Variants in NFKBIZ observed in about 807,000 individuals in gnomAD.
NFKBIZ encodes NF-kappa-B inhibitor zeta.
A neutral mutation model predicts 76.8 loss-of-function variants in NFKBIZ; 19 were observed. The ratio of observed to expected loss-of-function variants is 0.25; its 90% CI spans 0.17 to 0.36. The LOEUF (loss-of-function observed/expected upper bound fraction) is 0.36, where lower values mean the gene tolerates loss of function less well. Among genes scored for constraint, NFKBIZ ranks in the 10% least tolerant of loss-of-function variants. The pLI is 1.00. For missense variants in NFKBIZ, 829 were observed against 910.9 expected (o/e 0.91, Z 1.16); for synonymous variants, 368 against 354.8 (o/e 1.04, Z -0.42).
Position 101,852,897 on chromosome 3 carries a change from ACAG to A in NFKBIZ, c.473_475del (p.Thr158_Val159delinsIle), listed in dbSNP as rs1942990079. 6.2e-7 allele frequency: 1 copy of A among 1,614,044 alleles called. No individual in the cohort carries two copies. The highest frequency in any genetic ancestry group is 8.5e-7 in the Non-Finnish European group (1 of 1,179,902). ...TCCTTTGGGTACAGAATTGAAGAAC[ACAG>A]TATCATACAGTGGGAAAAGGAAAGG... On this transcript the variant is annotated inframe_deletion, in exon 4 of 12. Coordinates refer to ENST00000326172, the MANE Select transcript of NFKBIZ (RefSeq NM_031419.4).
intron 2 of NFKBIZ, among the ~76,000 whole-genome samples, chr3:101,835,077 T>C (rs1455725900): frequency 6.6e-6 from 1 of 152,272 alleles, no homozygotes; most frequent in African/African-American, 2.4e-5. Flanking sequence ...GTGTATATTA[T>C]GTGCCAGGAG....
rs1401301777 is a variant in NFKBIZ, at chr3:101,852,124, C to G, written c.329C>G (p.Pro110Arg). The G allele has an allele frequency of 5.6e-6, 9 of 1,614,092 alleles. 1 individual carries two copies. In the South Asian group the frequency reaches 8.8e-5, roughly 16 times the overall value. Residue 110 changes from proline to arginine, a missense_variant, in exon 2 of 12, where the codon CCC becomes CGC. Physicochemically the swap from Pro to Arg is moderately radical, Grantham distance 103 (BLOSUM62 -2). Around this residue, in one of 4 missense-constraint regions of NFKBIZ, gnomAD observed 5 missense variants for 19.0 expected, o/e 0.26. Coordinates refer to ENST00000326172, the MANE Select transcript of NFKBIZ (RefSeq NM_031419.4). ...GGGGTTGGCAGGCAGCAGAGAGGCC[C>G]CTTTCAAGGTGTTCGGGTAAAGAAC... is the stretch of plus-strand genomic sequence containing the variant. ...HMGVGRQQRG[P>R]FQGVRVKNSV...
chr3:101,852,080 A>G lies in NFKBIZ; in HGVS notation c.290-5A>G. 1.2e-6 allele frequency: 2 copies of G among 1,607,726 alleles called. No homozygotes were observed. Among genetic ancestry groups the G allele is most frequent in the Non-Finnish European group, 1.7e-6 (2 of 1,178,390 alleles). ...CAGGAATATGTTTTGTTTTCTTTTG[A>G]ACAGTTGAGCCCCATATGGGGGTTG... On this transcript the variant is annotated splice_polypyrimidine_tract_variant and splice_region_variant and intron_variant, in intron 1 of 11. Coordinates refer to ENST00000326172, the MANE Select transcript of NFKBIZ (RefSeq NM_031419.4).
chr3:101,844,754 G>T (rs116083530), upstream of NFKBIZ, among the ~76,000 whole-genome samples: 886 of 152,330 alleles, frequency 5.8e-3, 5 homozygotes, highest in Admixed American at 7.6e-3. Context: ...TTGTTGCAAA[G>T]TGGCAGTGCT....
chr3:101,853,878 A>C lies in NFKBIZ; in HGVS notation c.1337+15A>C. 1 of 1,605,376 alleles carries C rather than the reference A, an allele frequency of 6.2e-7. No homozygotes were observed. Among genetic ancestry groups the C allele is most frequent in the Non-Finnish European group, 8.5e-7 (1 of 1,174,906 alleles). ...GATGGTGACACGTGAGTATTCTTTT[A>C]TCTCATGTTCTTAATTAGGTAAGCC... On this transcript the variant is annotated intron_variant, in intron 5 of 11. Transcript: ENST00000326172.
chr3:101,842,892 C>T (rs1046194063), intron 2 of NFKBIZ, among the ~76,000 whole-genome samples: 1 of 151,638 alleles, frequency 6.6e-6, no homozygotes, highest in African/African-American at 2.4e-5. Flanking sequence ...GGTTTCAGAA[C>T]CAGGTGTTCA....
Position 101,849,582 on chromosome 3 carries a change from A to T in NFKBIZ, c.-47A>T. ...GCCCGGGAGGCAGCCGCGCGCAGCG[A>T]GCCGGTGGCGCAGGTGTCGGGGTCC... On this transcript the variant is annotated 5_prime_UTR_variant, in exon 1 of 12. Transcript: ENST00000326172. 1 of 1,297,312 alleles carries T rather than the reference A, an allele frequency of 7.7e-7. No homozygotes were observed. Among genetic ancestry groups the T allele is most frequent in the Middle Eastern group, 2.3e-4 (1 of 4,412 alleles). The allele number at this position is 1,297,312 out of a possible 1,614,324, so 80.4% of individuals were successfully genotyped here. A position where few individuals can be genotyped will look rare whatever the true frequency, so the allele number is the denominator to read the frequency against.
At chr3:101,840,847 G>C (rs1358056201) in intron 2 of NFKBIZ, among the ~76,000 whole-genome samples, 8 of 152,130 alleles carry the variant, frequency 5.3e-5, no homozygotes, top group Non-Finnish European at 1.0e-4. Context: ...CTCACACCTA[G>C]TGGGTGCTCA....
chr3:101,832,927 ATTTGGCACAG>A (rs1435425517), intron 2 of NFKBIZ, among the ~76,000 whole-genome samples: 1 of 152,242 alleles, frequency 6.6e-6, no homozygotes, highest in African/African-American at 2.4e-5. Flanking sequence ...TTTGTGCAGT[ATTTGGCACAG>A]TGCAGTGAAT....
upstream of NFKBIZ, chr3:101,849,509 C>T (rs937486904): frequency 5.8e-6 from 5 of 863,760 alleles, no homozygotes; most frequent in South Asian, 4.4e-5. Flanking sequence ...TCCCGCGCCG[C>T]GCCCGTACTG....
chr3:101,832,635 T>G (rs1401310193), intron 2 of NFKBIZ, among the ~76,000 whole-genome samples: 2 of 152,250 alleles, frequency 1.3e-5, no homozygotes, highest in Non-Finnish European at 2.9e-5. Flanking sequence ...TGTATAAATG[T>G]CAGAATTTCC....
chr3:101,858,348 TAGA>T (rs1171193861), intron 11 of NFKBIZ: 1 of 970,942 alleles, frequency 1.0e-6, no homozygotes, highest in Non-Finnish European at 1.2e-6. Flanking sequence ...ATTTAATAGT[TAGA>T]AGAACTTTAC....
chr3:101,849,713 C>A lies in NFKBIZ; in HGVS notation c.85C>A (p.Pro29Thr). ...GGGCGGCTGCGGCCTCATGACCAGC[C>A]CGCTCAACCTGAGCTACTTCTACGG... ...AAGGCGLMTS[P>T]LNLSYFYGAS... The change falls in exon 1 of 12, where the codon CCG (proline) becomes ACG (threonine). Residue 29 changes from proline (P) to threonine (T), a missense_variant. Physicochemically the swap from Pro to Thr is conservative, Grantham distance 38 (BLOSUM62 -1). Transcript: ENST00000326172. 7.0e-7 allele frequency: 1 copy of A among 1,435,116 alleles called. No individual in the cohort carries two copies. The highest frequency in any genetic ancestry group is 9.1e-7 in the Non-Finnish European group (1 of 1,100,060). 88.9% of individuals were successfully genotyped at this position (1,435,116 alleles called of 1,614,324 possible). A position where few individuals can be genotyped will look rare whatever the true frequency, so the allele number is the denominator to read the frequency against.
At chr3:101,842,910 T>C (rs1028211751) in intron 2 of NFKBIZ, among the ~76,000 whole-genome samples, 1 of 151,268 alleles carries the variant, frequency 6.6e-6, no homozygotes, top group African/African-American at 2.4e-5. Flanking sequence ...TCAACAATTA[T>C]GAGTCCAATC....
At chr3:101,859,132 A>T (rs1943098957) in intron 11 of NFKBIZ, among the ~76,000 whole-genome samples, 186 bp from the exon 12 acceptor site, 1 of 152,056 alleles carries the variant, frequency 6.6e-6, no homozygotes, top group African/African-American at 2.4e-5. Context: ...AAATAAGTTT[A>T]AAAGGAGTTT....
chr3:101,850,336 C>G (rs1034434089), intron 1 of NFKBIZ: 14 of 162,002 alleles, frequency 8.6e-5, no homozygotes, highest in African/African-American at 3.1e-4. Context: ...TTGGGAATAG[C>G]GTTAAAGGTC....
chr3:101,835,621 G>A (rs1942709437), intron 2 of NFKBIZ, among the ~76,000 whole-genome samples: 2 of 152,132 alleles, frequency 1.3e-5, no homozygotes, highest in Non-Finnish European at 2.9e-5. Flanking sequence ...CATCCCTGGT[G>A]TCTCTACCCT....
In NFKBIZ at chr3:101,855,475, TTA is replaced by T; in HGVS notation, c.1654+19_1654+20del. The T allele has an allele frequency of 6.2e-7, 1 of 1,607,290 alleles. No individual in the cohort carries two copies. The highest frequency in any genetic ancestry group is 8.5e-7 in the Non-Finnish European group (1 of 1,173,808). On this transcript the variant is annotated intron_variant, in intron 8 of 11. Transcript: ENST00000326172. ...ACTATGATGGTAAGCAACTGAAACT[TTA>T]TTAGATTCAGAGCCACTTAGGGGGA...
At chr3:101,832,727 G>A (rs766755317) in intron 2 of NFKBIZ, among the ~76,000 whole-genome samples, 3 of 152,176 alleles carry the variant, frequency 2.0e-5, no homozygotes, top group African/African-American at 7.2e-5. Context: ...TCTGTCCATG[G>A]ACACTTGGAT....
Sources: gnomAD v4.1 joint callset for allele counts (sites outside exome capture counted in the v4.1 genomes callset) on GRCh38, gnomAD v4.1.1 for gene constraint, gnomAD v4.1.1 regional missense constraint, MANE v1.5 for transcripts, NCBI Gene and HGNC (gene_info 2026-07-23, HGNC 2026-07-21) for gene names.